The following ZFYVE16 variants were observed in gnomAD, a reference collection of about 807,000 sequenced individuals.
The protein encoded by ZFYVE16 is zinc finger FYVE-type containing 16, also known as zinc finger FYVE domain-containing protein 16.
A neutral mutation model predicts 138.1 loss-of-function variants in ZFYVE16; 89 were observed. The ratio of observed to expected loss-of-function variants is 0.64; its 90% CI spans 0.54 to 0.77. ZFYVE16 has a LOEUF of 0.77. Ranked by LOEUF, ZFYVE16 falls within the 30% of genes least tolerant of loss-of-function variation. The pLI is 0.00. For synonymous variants in ZFYVE16, 596 were observed against 618.3 expected, an observed-to-expected ratio of 0.96 and a Z score of 0.53; for missense variants, 1,793 against 1,786.7, an observed-to-expected ratio of 1.00 and a Z score of -0.06.
chr5:80,444,805 C>T (rs963698968), intron 6 of ZFYVE16, among the ~76,000 whole-genome samples: 1 of 151,632 alleles, frequency 6.6e-6, no homozygotes, highest in Non-Finnish European at 1.5e-5. Context: ...ATATATGCTT[C>T]AGTCTACTGC....
At chr5:80,430,539 A>G (rs1197169531) in intron 2 of ZFYVE16, among the ~76,000 whole-genome samples, 3 of 151,808 alleles carry the variant, frequency 2.0e-5, no homozygotes, top group Admixed American at 6.6e-5. Context: ...CTAGAGAAGC[A>G]AGAGCAAACC....
intron 12 of ZFYVE16, 161 bp from the exon 13 acceptor site, chr5:80,456,300 G>T: frequency 1.9e-6 from 1 of 523,242 alleles, no homozygotes. Flanking sequence ...TTTCTATTTT[G>T]GAAGTTCTGT....
At chr5:80,421,781 C>G (rs529739243) in intron 1 of ZFYVE16, among the ~76,000 whole-genome samples, 88 of 152,220 alleles carry the variant, frequency 5.8e-4, no homozygotes, top group Non-Finnish European at 1.2e-3. Context: ...AATGCGGGCC[C>G]TTTTTTGGTT....
chr5:80,480,909 G>T lies in ZFYVE16; in HGVS notation c.*3532G>T, dbSNP rs554702936. Among the ~76,000 whole-genome samples the T allele has an allele frequency of 3.9e-5, 6 of 152,114 alleles. No homozygotes were observed. The South Asian group carries it at 1.2e-3, about 32-fold the overall frequency. ...AGCAAAACCTTGTCTCAAAAAAAAG[G>T]AAAAAGAAAAAAGACATTTAACAGG... is the stretch of plus-strand genomic sequence containing the variant. On this transcript the variant is annotated 3_prime_UTR_variant, in exon 19 of 19. Transcript: ENST00000505560.
chr5:80,451,816 T>C lies in ZFYVE16; in HGVS notation c.3607+107T>C. On this transcript the variant is annotated intron_variant, in intron 11 of 18. Coordinates refer to ENST00000505560, the MANE Select transcript of ZFYVE16 (RefSeq NM_001284236.3). Reference sequence around the variant, plus strand: ...TTTTAATGGATTAATGGAACTACTTTTGTTTTGCTATGCTTTTAAAGTTCT... The same window carrying C: ...TTTTAATGGATTAATGGAACTACTTCTGTTTTGCTATGCTTTTAAAGTTCT... 4.4e-6 allele frequency: 5 copies of C among 1,129,402 alleles called. 1 individual carries two copies. In the South Asian group the frequency reaches 4.8e-5, roughly 11 times the overall value. The allele number at this position is 1,129,402 out of a possible 1,614,324, so 70.0% of individuals were successfully genotyped here. A position where few individuals can be genotyped will look rare whatever the true frequency, so the allele number is the denominator to read the frequency against.
intron 14 of ZFYVE16, among the ~76,000 whole-genome samples, chr5:80,458,884 A>C (rs991410093): frequency 2.0e-5 from 3 of 152,248 alleles, no homozygotes; most frequent in Non-Finnish European, 4.4e-5. Context: ...ACAAACATTT[A>C]AAACAGTACA....
intron 15 of ZFYVE16, among the ~76,000 whole-genome samples, chr5:80,462,636 A>G (rs1415225583): frequency 6.6e-6 from 1 of 152,162 alleles, no homozygotes; most frequent in Non-Finnish European, 1.5e-5. Context: ...AGACACAAAC[A>G]TGCCTTTGCA....
chr5:80,422,893 T>TTCATTC (rs1747440611), intron 1 of ZFYVE16, among the ~76,000 whole-genome samples: 1 of 152,244 alleles, frequency 6.6e-6, no homozygotes, highest in African/African-American at 2.4e-5. Context: ...TCATGATGTA[T>TTCATTC]AATTTTTCAA....
At chr5:80,421,237 T>G (rs897501198) in intron 1 of ZFYVE16, among the ~76,000 whole-genome samples, 3 of 152,216 alleles carry the variant, frequency 2.0e-5, no homozygotes, top group African/African-American at 7.2e-5. Flanking sequence ...TTTCTCCCAT[T>G]CTGTAGGTTG....
chr5:80,408,836 T>C (rs1745017657), intron 1 of ZFYVE16, among the ~76,000 whole-genome samples: 1 of 152,246 alleles, frequency 6.6e-6, no homozygotes, highest in Non-Finnish European at 1.5e-5. Flanking sequence ...ACATTTGATA[T>C]TAAGTTAATC....
At position 80,456,716 on chromosome 5, in the gene ZFYVE16, AAAT is replaced by A. The variant is rs1301352470; in HGVS notation, c.3795+155_3795+157del. ...TGAAATGATAGAATTTGTTTACTGT[AAAT>A]AATCTGTTTGATCATATTTCTTTTT... On this transcript the variant is annotated intron_variant, in intron 13 of 18. Coordinates refer to ENST00000505560, the MANE Select transcript of ZFYVE16 (RefSeq NM_001284236.3). 8 of 882,142 alleles carry A rather than the reference AAAT, an allele frequency of 9.1e-6. 1 individual carries two copies. In the East Asian group the frequency reaches 1.6e-4, roughly 18 times the overall value. The allele number at this position is 882,142 out of a possible 1,614,324, so 54.6% of individuals were successfully genotyped here. A position where few individuals can be genotyped will look rare whatever the true frequency, so the allele number is the denominator to read the frequency against.
chr5:80,431,881 G>C (rs187818338), intron 2 of ZFYVE16, among the ~76,000 whole-genome samples: 1 of 152,018 alleles, frequency 6.6e-6, no homozygotes, highest in Non-Finnish European at 1.5e-5. Flanking sequence ...TTACAAGGGA[G>C]GTGAAGGACC....
intron 1 of ZFYVE16, among the ~76,000 whole-genome samples, chr5:80,424,137 G>C (rs1436771350): frequency 6.6e-6 from 1 of 151,854 alleles, no homozygotes; most frequent in South Asian, 2.1e-4. Context: ...AGTAGAGACG[G>C]GGTTTCACCA....
chr5:80,439,908 G>T (rs772773278), intron 4 of ZFYVE16, 28 bp from the exon 5 acceptor site: 8 of 1,583,106 alleles, frequency 5.1e-6, no homozygotes, highest in South Asian at 3.4e-5. Context: ...TTGAAACAAA[G>T]ACAAATTTGA....
In ZFYVE16 at chr5:80,445,384, T is replaced by G; in HGVS notation, c.2703T>G (p.Pro901=). The G allele has an allele frequency of 6.2e-7, 1 of 1,613,450 alleles. No homozygotes were observed. The highest frequency in any genetic ancestry group is 8.5e-7 in the Non-Finnish European group (1 of 1,179,756). Residue 901 remains proline, a synonymous_variant, in exon 7 of 19, where the codon CCT becomes CCG. Transcript: ENST00000505560. ...AAAGATGTTCTGAAGACTTTAGTCC[T>G]CTCTCACCTGATGTGCCTATGGTAA... ...GSKRCSEDFS[P]LSPDVPMTVN...
At position 80,439,012 on chromosome 5, in the gene ZFYVE16, G is replaced by A; in HGVS notation, c.2322+5G>A. The stretch of plus-strand genomic sequence containing the variant: ...CATTGCCGAGCATGTGGGAAAGTAA[G>A]TTATAAAAATCTTTTAAGTCTTTTG... On this transcript the variant is annotated splice_donor_5th_base_variant and intron_variant, in intron 4 of 18. Coordinates refer to ENST00000505560, the MANE Select transcript of ZFYVE16 (RefSeq NM_001284236.3). The A allele has an allele frequency of 6.3e-7, 1 of 1,593,488 alleles. No individual in the cohort carries two copies. Among genetic ancestry groups the A allele is most frequent in the Non-Finnish European group, 8.5e-7 (1 of 1,171,396 alleles).
At chr5:80,425,079 T>C (rs2112252470) in intron 1 of ZFYVE16, among the ~76,000 whole-genome samples, 1 of 152,352 alleles carries the variant, frequency 6.6e-6, no homozygotes, top group South Asian at 2.1e-4. Flanking sequence ...CTGTATCTGT[T>C]GAGTTGGCTT....
Position 80,437,462 on chromosome 5 carries a change from A to C in ZFYVE16, c.777A>C (p.Lys259Asn). 6.2e-7 allele frequency: 1 copy of C among 1,603,564 alleles called. No individual in the cohort carries two copies. The highest frequency in any genetic ancestry group is 8.5e-7 in the Non-Finnish European group (1 of 1,175,546). ...AAAGTTCCAAAATGTTTCATGCCAAAGACAAGCTACAACACAAGAGCCAGC... is the reference window on the plus strand; with the variant it reads ...AAAGTTCCAAAATGTTTCATGCCAACGACAAGCTACAACACAAGAGCCAGC... The part of the protein sequence containing the change: ...TRQSSKMFHA[K>N]DKLQHKSQPC... The change falls in exon 4 of 19, where the codon AAA becomes AAC. Residue 259 changes from lysine (K) to asparagine (N), a missense_variant. By Grantham distance (94) the Lys-to-Asn change is moderately conservative. Around this residue, in one of 2 missense-constraint regions of ZFYVE16, gnomAD observed 1,295 missense variants for 1,204.3 expected, o/e 1.08. Transcript: ENST00000505560.
At chr5:80,421,185 T>G (rs1747111722) in intron 1 of ZFYVE16, among the ~76,000 whole-genome samples, 1 of 152,232 alleles carries the variant, frequency 6.6e-6, no homozygotes, top group Admixed American at 6.5e-5. Flanking sequence ...CTTTGTAGAT[T>G]CTGGATATTA....
Sources: allele counts gnomAD v4.1 joint callset (sites outside exome capture counted in the v4.1 genomes callset), GRCh38; gene constraint gnomAD v4.1.1; regional missense constraint gnomAD v4.1.1; transcripts MANE v1.5; gene names NCBI Gene and HGNC (gene_info 2026-07-23, HGNC 2026-07-21).